The following EMID1 variants were observed in gnomAD, a reference collection of about 807,000 sequenced individuals.
EMID1 encodes EMI domain-containing protein 1.
EMID1 carries 40 observed loss-of-function variants against 60.6 expected under a neutral mutation model. That is an observed-to-expected ratio of 0.66 (90% confidence interval 0.51 to 0.86). The LOEUF is 0.86. EMID1 is among the 40% of genes least tolerant of loss of function. EMID1 has a pLI of 0.00. For synonymous variants in EMID1, 242 were observed against 231.0 expected, an observed-to-expected ratio of 1.05 and a Z score of -0.43; for missense variants, 585 against 597.1, an observed-to-expected ratio of 0.98 and a Z score of 0.21.
chr22:29,248,272 T>C (rs2041401060), intron 13 of EMID1, among the ~76,000 whole-genome samples: 1 of 151,166 alleles, frequency 6.6e-6, no homozygotes, highest in Admixed American at 6.6e-5. Flanking sequence ...TTTTTTTTTT[T>C]TTTTTTTTCA....
intron 12 of EMID1, among the ~76,000 whole-genome samples, chr22:29,239,903 GCGCC>G (rs1410372474): frequency 5.3e-4 from 61 of 115,592 alleles, no homozygotes; most frequent in African/African-American, 2.1e-3. Flanking sequence ...GGGACTACAG[GCGCC>G]TGCCACCACA....
chr22:29,233,327 T>C (rs1245561742), intron 8 of EMID1, 52 bp from the exon 9 acceptor site: 1 of 1,600,228 alleles, frequency 6.2e-7, no homozygotes, highest in Non-Finnish European at 8.6e-7. Flanking sequence ...AGGTGAAGAC[T>C]AACCACCCCA....
chr22:29,242,168 C>T (rs556199451), intron 12 of EMID1, among the ~76,000 whole-genome samples: 6 of 152,140 alleles, frequency 3.9e-5, no homozygotes, highest in Non-Finnish European at 8.8e-5. Flanking sequence ...TATCCTCCCA[C>T]CTTGGCTAGG....
intron 13 of EMID1, among the ~76,000 whole-genome samples, chr22:29,253,353 C>T (rs141355217): frequency 0.04 from 6,051 of 152,252 alleles, 249 homozygotes; most frequent in East Asian, 0.14. Flanking sequence ...GAGACCGAGG[C>T]GGGCAGATCA....
intron 4 of EMID1, 114 bp from the exon 5 acceptor site, chr22:29,226,376 T>A (rs2040509541): frequency 8.5e-7 from 1 of 1,180,850 alleles, no homozygotes; most frequent in Non-Finnish European, 1.2e-6. Context: ...CCCTCGTGGG[T>A]TGGGGTCATC....
At chr22:29,243,876 T>C (rs1182603308) in intron 13 of EMID1, among the ~76,000 whole-genome samples, 1 of 152,188 alleles carries the variant, frequency 6.6e-6, no homozygotes, top group Non-Finnish European at 1.5e-5. Context: ...CTCCCTTGTC[T>C]GCAGAACAAA....
intron 13 of EMID1, among the ~76,000 whole-genome samples, 176 bp downstream of exon 13, chr22:29,243,665 T>G (rs1432096214): frequency 6.6e-6 from 1 of 152,240 alleles, no homozygotes; most frequent in African/African-American, 2.4e-5. Context: ...TCCCCCATCT[T>G]GTTGCTCCCA....
intron 8 of EMID1, chr22:29,232,933 A>G (rs2040810133): frequency 4.8e-6 from 1 of 208,624 alleles, no homozygotes. Context: ...TTGGTGCACA[A>G]CCCAGCACAC....
chr22:29,231,623 C>G lies in EMID1; in HGVS notation c.617C>G (p.Pro206Arg). 6.6e-7 allele frequency: 1 copy of G among 1,515,830 alleles called. No individual in the cohort carries two copies. 93.9% of individuals were successfully genotyped at this position (1,515,830 alleles called of 1,614,324 possible). The change falls in exon 7 of 15, where the codon CCC becomes CGC. Residue 206 changes from proline to arginine, a missense_variant. Physicochemically the swap from Pro to Arg is moderately radical, Grantham distance 103. Transcript: ENST00000334018. ...DQVGAWGLPG[P>R]TGPKGDAGSR... The stretch of plus-strand genomic sequence containing the variant: ...GTCGGTGCTTGGGGGCTTCCCGGGC[C>G]CACCGGCCCCAAGGGAGATGCCGGC...
At chr22:29,241,640 C>T (rs1392430000) in intron 12 of EMID1, among the ~76,000 whole-genome samples, 1 of 152,192 alleles carries the variant, frequency 6.6e-6, no homozygotes, top group East Asian at 1.9e-4. Context: ...CCGCCCGCCT[C>T]AGCCTCCCAA....
intron 14 of EMID1, chr22:29,255,629 TG>T (rs1408228698): frequency 6.2e-6 from 2 of 323,820 alleles, no homozygotes; most frequent in Non-Finnish European, 1.1e-5. Context: ...TGTAGGGTGC[TG>T]GGGGGCTCAG....
chr22:29,222,695 T>A (rs1055525848), intron 3 of EMID1, among the ~76,000 whole-genome samples: 2 of 152,082 alleles, frequency 1.3e-5, no homozygotes, highest in African/African-American at 4.8e-5. Flanking sequence ...TGAGCCACTG[T>A]GCCTGGCCTA....
In EMID1 at chr22:29,258,880, A is replaced by G. The variant is rs2146500029; in HGVS notation, c.1268A>G (p.Lys423Arg). 6.2e-7 allele frequency: 1 copy of G among 1,613,230 alleles called. No homozygotes were observed. The highest frequency in any genetic ancestry group is 1.1e-5 in the South Asian group (1 of 91,060). Reference sequence around the variant, plus strand: ...GGCACCCCCAGCCTCCTTCGGGGCAAGAGGGGCGGACATGCAACCAACTAC... The same window carrying G: ...GGCACCCCCAGCCTCCTTCGGGGCAGGAGGGGCGGACATGCAACCAACTAC... The part of the protein sequence containing the change: ...GTGTPSLLRG[K>R]RGGHATNYRI... Residue 423 changes from lysine to arginine, a missense_variant, in exon 15 of 15, where the codon AAG (lysine) becomes AGG (arginine). Physicochemically the swap from Lys to Arg is conservative, Grantham distance 26. Coordinates refer to ENST00000334018, the MANE Select transcript of EMID1 (RefSeq NM_133455.4).
In EMID1 at chr22:29,232,340, C is replaced by A. The variant is rs2040781062; in HGVS notation, c.761C>A (p.Pro254His). ...GERGPPGPPG[P>H]PGPPGPPAPV... ...AGGGGACCTCCTGGGCCACCAGGGC[C>A]TCCTGGCCCCCCTGGGCCCCCAGCC... The change falls in exon 8 of 15, where the codon CCT becomes CAT. Residue 254 changes from proline to histidine, a missense_variant. Transcript: ENST00000334018. The A allele has an allele frequency of 1.2e-6, 2 of 1,608,400 alleles. No homozygotes were observed. Among genetic ancestry groups the A allele is most frequent in the East Asian group, 4.5e-5 (2 of 44,820 alleles).
chr22:29,252,739 C>G (rs2041572103), intron 13 of EMID1, among the ~76,000 whole-genome samples: 1 of 152,116 alleles, frequency 6.6e-6, no homozygotes. Flanking sequence ...AGTGCCACAT[C>G]CCTGGGGTCT....
At chr22:29,246,690 G>A (rs566160430) in intron 13 of EMID1, among the ~76,000 whole-genome samples, 80 of 152,280 alleles carry the variant, frequency 5.3e-4, no homozygotes, top group Non-Finnish European at 9.6e-4. Flanking sequence ...ACTTAGATCC[G>A]GAGTGCAGAG....
At chr22:29,255,285 G>A in intron 14 of EMID1, 1 of 1,453,972 alleles carries the variant, frequency 6.9e-7, no homozygotes, top group Non-Finnish European at 9.2e-7. Context: ...CTAGCTTACA[G>A]AGCTTCCTGC....
intron 14 of EMID1, chr22:29,254,647 A>G: frequency 7.5e-6 from 2 of 267,982 alleles, no homozygotes; most frequent in Non-Finnish European, 1.5e-5. Context: ...ATTGTGGGTA[A>G]CAGAGCCAGA....
In EMID1 at chr22:29,258,893, T is replaced by C. The variant is rs573732430; in HGVS notation, c.1281T>C (p.His427=). 3.1e-6 allele frequency: 5 copies of C among 1,613,250 alleles called. No homozygotes were observed. The Admixed American group carries it at 5.0e-5, about 16-fold the overall frequency. The part of the protein sequence containing the change: ...PSLLRGKRGG[H]ATNYRIVAPR... ...TCCTTCGGGGCAAGAGGGGCGGACA[T>C]GCAACCAACTACCGGATCGTGGCCC... The change falls in exon 15 of 15, where the codon CAT becomes CAC. Residue 427 remains histidine, a synonymous_variant. Coordinates refer to ENST00000334018, the MANE Select transcript of EMID1 (RefSeq NM_133455.4).
Sources: allele counts gnomAD v4.1 joint callset (sites outside exome capture counted in the v4.1 genomes callset), GRCh38; gene constraint gnomAD v4.1.1; transcripts MANE v1.5; gene names NCBI Gene and HGNC (gene_info 2026-07-23, HGNC 2026-07-21).